RPS6KA2: variants seen among roughly 807,000 people sequenced by gnomAD.
RPS6KA2 encodes ribosomal protein S6 kinase alpha-2.
RPS6KA2 carries 42 observed loss-of-function variants against 91.8 expected under a neutral mutation model. The ratio of observed to expected loss-of-function variants is 0.46; its 90% CI spans 0.36 to 0.59. The LOEUF (loss-of-function observed/expected upper bound fraction) is 0.59, where lower values mean the gene tolerates loss of function less well. Ranked by LOEUF, RPS6KA2 falls within the 20% of genes least tolerant of loss-of-function variation. The pLI is 0.00. For synonymous variants in RPS6KA2, 414 were observed against 393.6 expected, an observed-to-expected ratio of 1.05 and a Z score of -0.61; for missense variants, 798 against 978.5, an observed-to-expected ratio of 0.82 and a Z score of 2.46.
intron 2 of RPS6KA2, among the ~76,000 whole-genome samples, chr6:166,669,856 G>A (rs1425563518): frequency 6.6e-6 from 1 of 152,228 alleles, no homozygotes; most frequent in African/African-American, 2.4e-5. Context: ...GGCCTATGGG[G>A]AGACCTACTA....
chr6:166,491,313 T>A (rs919564386), intron 8 of RPS6KA2, among the ~76,000 whole-genome samples: 3 of 152,180 alleles, frequency 2.0e-5, no homozygotes, highest in African/African-American at 7.2e-5. Flanking sequence ...ACTGGACACC[T>A]GCCAGGACGG....
chr6:166,626,862 G>C lies in RPS6KA2; in HGVS notation c.99+59C>G, dbSNP rs1433679093. ...CACCCAGGGGTGGCGAGGCGGGCTC[G>C]GGCGACCACGGCCCGCTCAGTGCCC... On this transcript the variant is annotated intron_variant, in intron 1 of 20. Coordinates refer to ENST00000265678, the MANE Select transcript of RPS6KA2 (RefSeq NM_021135.6). The surrounding 1 kb of genome is among the most constrained non-coding windows in gnomAD (Gnocchi z 4.1). 3 of 1,332,002 alleles carry C rather than the reference G, an allele frequency of 2.3e-6. No homozygotes were observed. In the African/African-American group the frequency reaches 4.6e-5, roughly 20 times the overall value. 82.5% of individuals were successfully genotyped at this position (1,332,002 alleles called of 1,614,324 possible). A position where few individuals can be genotyped will look rare whatever the true frequency, so the allele number is the denominator to read the frequency against.
Position 166,662,117 on chromosome 6 carries a change from C to A in RPS6KA2, c.124-123333G>T, listed in dbSNP as rs1212929794. Among the ~76,000 whole-genome samples the A allele has an allele frequency of 6.6e-6, 1 of 152,148 alleles. No individual in the cohort carries two copies. The highest frequency in any genetic ancestry group is 1.5e-5 in the Non-Finnish European group (1 of 68,014). ...GTTGTTTATCATATTATGAATATTT[C>A]TTAATTTTTACCTACTTAATATTTT... On this transcript the variant is annotated intron_variant, in intron 2 of 21. Transcript: ENST00000503859. This position sits in a 1 kb window ranked among gnomAD's most constrained non-coding sequence, Gnocchi z 4.3.
chr6:166,679,478 TAATA>T (rs1018230813), intron 2 of RPS6KA2, among the ~76,000 whole-genome samples: 2 of 151,852 alleles, frequency 1.3e-5, no homozygotes, highest in African/African-American at 4.8e-5. Context: ...ATAATAATAA[TAATA>T]AATAAATATT....
intron 2 of RPS6KA2, among the ~76,000 whole-genome samples, chr6:166,670,066 G>A (rs9366042): frequency 0.18 from 26,970 of 152,300 alleles, 2,405 homozygotes; most frequent in South Asian, 0.23. Context: ...GCAGGCATGA[G>A]CCTCACAGAG....
Position 166,508,719 on chromosome 6 carries a change from A to G in RPS6KA2, c.380-437T>C, listed in dbSNP as rs1215160833. 2.0e-5 allele frequency among the ~76,000 whole-genome samples: 3 copies of G among 151,784 alleles called. No individual in the cohort carries two copies. Among genetic ancestry groups the G allele is most frequent in the African/African-American group, 7.3e-5 (3 of 41,248 alleles). ...AAGTGCCTTCTTCTTACAGAACTCC[A>G]CTCTGGTACCAGGGAGCCCCCCGCT... On this transcript the variant is annotated intron_variant, in intron 4 of 20. Transcript: ENST00000265678. The surrounding 1 kb of genome is among the most constrained non-coding windows in gnomAD (Gnocchi z 4.3).
intron 1 of RPS6KA2, among the ~76,000 whole-genome samples, chr6:166,573,634 G>C (rs1466910057): frequency 6.6e-6 from 1 of 152,228 alleles, no homozygotes; most frequent in Non-Finnish European, 1.5e-5. Context: ...CTGACTCTGT[G>C]GCTCCGGCCT....
At position 166,635,200 on chromosome 6, in the gene RPS6KA2, A is replaced by G. The variant is rs1437749171; in HGVS notation, c.124-96416T>C. ...ACACCTTGGCATGAATGAGTTAGAG[A>G]ACCACGGCAGGAGCCCAGTGTCATT... is the stretch of plus-strand genomic sequence containing the variant. On this transcript the variant is annotated intron_variant, in intron 2 of 21. Transcript: ENST00000503859. The surrounding 1 kb of genome is among the most constrained non-coding windows in gnomAD (Gnocchi z 4.8). 2.0e-5 allele frequency among the ~76,000 whole-genome samples: 3 copies of G among 152,222 alleles called. No homozygotes were observed. The highest frequency in any genetic ancestry group is 4.4e-5 in the Non-Finnish European group (3 of 68,046).
intron 2 of RPS6KA2, among the ~76,000 whole-genome samples, chr6:166,845,696 T>C (rs1220133687): frequency 6.6e-6 from 1 of 152,192 alleles, no homozygotes; most frequent in Non-Finnish European, 1.5e-5. Flanking sequence ...TCAAAACCTC[T>C]GGGATACAGC....
rs553946862 is a variant in RPS6KA2, at chr6:166,494,250, G to A, written c.748-3509C>T. On this transcript the variant is annotated intron_variant, in intron 8 of 20. Coordinates refer to ENST00000265678, the MANE Select transcript of RPS6KA2 (RefSeq NM_021135.6). The surrounding 1 kb of genome is among the most constrained non-coding windows in gnomAD (Gnocchi z 5.1). ...TGCACAGACACATGCCCTCTAATCCGAGCTGCTCTCGCTCCGTGTGCTGCA... is the reference window on the plus strand; with the variant it reads ...TGCACAGACACATGCCCTCTAATCCAAGCTGCTCTCGCTCCGTGTGCTGCA... Among the ~76,000 whole-genome samples the A allele has an allele frequency of 9.2e-5, 14 of 152,248 alleles. No homozygotes were observed. In the South Asian group the frequency reaches 2.1e-3, roughly 23 times the overall value.
chr6:166,847,051 T>C (rs373608827), intron 2 of RPS6KA2, among the ~76,000 whole-genome samples: 135 of 152,262 alleles, frequency 8.9e-4, no homozygotes, highest in African/African-American at 3.1e-3. Flanking sequence ...AACTGGTAAT[T>C]GAATTTAGCA....
intron 14 of RPS6KA2, among the ~76,000 whole-genome samples, chr6:166,441,212 CG>C (rs978292937): frequency 1.3e-5 from 2 of 152,118 alleles, no homozygotes; most frequent in Non-Finnish European, 2.9e-5. Flanking sequence ...CTCCTAGTCC[CG>C]GCCTCTGTGC....
chr6:166,808,408 C>G (rs1401707002), intron 2 of RPS6KA2, among the ~76,000 whole-genome samples: 1 of 152,172 alleles, frequency 6.6e-6, no homozygotes, highest in East Asian at 1.9e-4. Flanking sequence ...GTGAGCTGTA[C>G]AATTGATTAT....
chr6:166,478,934 T>C (rs1781083929), intron 10 of RPS6KA2, among the ~76,000 whole-genome samples: 1 of 152,196 alleles, frequency 6.6e-6, no homozygotes, highest in South Asian at 2.1e-4. Flanking sequence ...GGTGAAGCCA[T>C]CCGCTCAGGC....
chr6:166,480,520 ATTT>A (rs141424301), intron 10 of RPS6KA2, among the ~76,000 whole-genome samples: 1 of 97,432 alleles, frequency 1.0e-5, no homozygotes, highest in Non-Finnish European at 2.0e-5. Context: ...TATATAATAT[ATTT>A]TTTTTTTTTG....
chr6:166,448,764 C>A lies in RPS6KA2; in HGVS notation c.1292G>T (p.Arg431Leu). The change falls in exon 14 of 21, where the codon CGA becomes CTA. Residue 431 changes from arginine (R) to leucine (L), a missense_variant. By Grantham distance (102) the Arg-to-Leu change is moderately radical (BLOSUM62 -2). Coordinates refer to ENST00000265678, the MANE Select transcript of RPS6KA2 (RefSeq NM_021135.6). This position sits in a 1 kb window ranked among gnomAD's most constrained non-coding sequence, Gnocchi z 4.7. ...IGVGSYSVCKRCVHKATDTEY... is the reference protein window; with the variant it reads ...IGVGSYSVCKLCVHKATDTEY... ...GGTGTCTGTGGCTTTATGCACACATCGCTTGCACACTGAGTAGGAGCCCAC... is the reference window on the plus strand; with the variant it reads ...GGTGTCTGTGGCTTTATGCACACATAGCTTGCACACTGAGTAGGAGCCCAC... The A allele has an allele frequency of 6.2e-7, 1 of 1,613,688 alleles. No individual in the cohort carries two copies. The highest frequency in any genetic ancestry group is 1.1e-5 in the South Asian group (1 of 90,994).
chr6:166,574,676 G>A (rs1784789771), intron 1 of RPS6KA2, among the ~76,000 whole-genome samples: 1 of 152,144 alleles, frequency 6.6e-6, no homozygotes, highest in Non-Finnish European at 1.5e-5. Flanking sequence ...TATATACCCA[G>A]TAATGGAATT....
At chr6:166,535,498 G>A (rs1351716279) in intron 2 of RPS6KA2, among the ~76,000 whole-genome samples, 1 of 152,186 alleles carries the variant, frequency 6.6e-6, no homozygotes, top group Non-Finnish European at 1.5e-5. Flanking sequence ...TCGAATGCAG[G>A]AATCATAACC....
intron 2 of RPS6KA2, among the ~76,000 whole-genome samples, chr6:166,703,078 G>A (rs16899310): frequency 0.02 from 2,976 of 152,258 alleles, 101 homozygotes; most frequent in African/African-American, 0.068. Context: ...CAACCGAAAC[G>A]CATCCACCAG....
Sources: gnomAD v4.1 joint callset for allele counts (sites outside exome capture counted in the v4.1 genomes callset) on GRCh38, gnomAD v4.1.1 for gene constraint, Gnocchi (gnomAD v3.1) non-coding constraint, MANE v1.5 for transcripts, NCBI Gene and HGNC (gene_info 2026-07-23, HGNC 2026-07-21) for gene names.